Variants in ZBTB16 observed in about 807,000 individuals in gnomAD.
ZBTB16 encodes zinc finger and BTB domain-containing protein 16.
Under a neutral mutation model 56.8 loss-of-function variants are expected in ZBTB16, and 8 were observed. The observed-to-expected ratio is 0.14, with a 90% confidence interval of 0.08 to 0.25. The LOEUF is 0.25. Among genes scored for constraint, ZBTB16 ranks in the 10% least tolerant of loss-of-function variants. The pLI is 1.00. For missense variants in ZBTB16, 625 were observed against 903.0 expected (o/e 0.69, Z 3.95); for synonymous variants, 363 against 368.5 (o/e 0.98, Z 0.17).
At chr11:114,208,576 G>A (rs1943934744) in intron 4 of ZBTB16, among the ~76,000 whole-genome samples, 1 of 152,198 alleles carries the variant, frequency 6.6e-6, no homozygotes, top group South Asian at 2.1e-4. Context: ...GTGGTTTCCT[G>A]TCATGGGCTC....
At chr11:114,089,009 G>A (rs988776503) in intron 2 of ZBTB16, among the ~76,000 whole-genome samples, 5 of 152,238 alleles carry the variant, frequency 3.3e-5, no homozygotes, top group African/African-American at 1.2e-4. Context: ...AAGGCCTGGG[G>A]ACGAGGACTA....
intron 3 of ZBTB16, among the ~76,000 whole-genome samples, chr11:114,186,330 G>C (rs1943360387): frequency 6.6e-6 from 1 of 152,232 alleles, no homozygotes; most frequent in South Asian, 2.1e-4. Flanking sequence ...GGAGAAAAGA[G>C]AGCAAGAGTG....
chr11:114,138,442 T>G (rs1941855647), intron 2 of ZBTB16, among the ~76,000 whole-genome samples: 1 of 152,212 alleles, frequency 6.6e-6, no homozygotes, highest in African/African-American at 2.4e-5. Flanking sequence ...GCACTAAGTT[T>G]TGCATCTCCC....
intron 2 of ZBTB16, among the ~76,000 whole-genome samples, chr11:114,125,174 A>G (rs186971138): frequency 4.3e-4 from 65 of 152,336 alleles, no homozygotes; most frequent in African/African-American, 1.6e-3. Context: ...AGATATCTAT[A>G]AAGAATTAAC....
intron 4 of ZBTB16, among the ~76,000 whole-genome samples, chr11:114,232,866 A>C (rs1252624958): frequency 6.6e-6 from 1 of 151,930 alleles, no homozygotes; most frequent in Admixed American, 6.6e-5. Context: ...CTTACTGCTG[A>C]TTTATACGGG....
At chr11:114,070,555 C>T (rs1204229605) in intron 2 of ZBTB16, among the ~76,000 whole-genome samples, 1 of 152,220 alleles carries the variant, frequency 6.6e-6, no homozygotes, top group South Asian at 2.1e-4. Flanking sequence ...GGTCACACAG[C>T]TATAAATGGG....
At position 114,064,692 on chromosome 11, in the gene ZBTB16, A is replaced by G. The variant is rs540753493; in HGVS notation, c.1268+124A>G. ...TGTCTTGGCAATTTGTGAAAAAACC[A>G]GAACACTTCTTCTAAAGTTCTGGCG... On this transcript the variant is annotated intron_variant, in intron 2 of 6. Transcript: ENST00000335953. This position sits in a 1 kb window ranked among gnomAD's most constrained non-coding sequence, Gnocchi z 4.2. 1.4e-5 allele frequency: 18 copies of G among 1,277,682 alleles called. No homozygotes were observed. The East Asian group carries it at 3.3e-4, about 23-fold the overall frequency. 79.1% of individuals were successfully genotyped at this position (1,277,682 alleles called of 1,614,324 possible).
chr11:114,196,121 G>A (rs1228529537), intron 4 of ZBTB16, among the ~76,000 whole-genome samples: 2 of 152,180 alleles, frequency 1.3e-5, no homozygotes, highest in Admixed American at 1.3e-4. Flanking sequence ...CCCTGTTGGT[G>A]TCTAAACAGG....
At chr11:114,204,743 C>T (rs181425697) in intron 4 of ZBTB16, among the ~76,000 whole-genome samples, 60 of 152,248 alleles carry the variant, frequency 3.9e-4, no homozygotes, top group Non-Finnish European at 7.1e-4. Context: ...AAACTGGGCC[C>T]GCCAAGCAGT....
chr11:114,062,301 C>T (rs922914819), intron 1 of ZBTB16, among the ~76,000 whole-genome samples: 3 of 151,434 alleles, frequency 2.0e-5, no homozygotes, highest in African/African-American at 7.3e-5. Flanking sequence ...CGGGGCTTCT[C>T]CATGTTGGTC....
In ZBTB16 at chr11:114,250,603, G is replaced by T. The variant is rs1413293975; in HGVS notation, c.*48G>T. The T allele has an allele frequency of 1.3e-6, 2 of 1,572,450 alleles. No individual in the cohort carries two copies. Among genetic ancestry groups the T allele is most frequent in the African/African-American group, 2.7e-5 (2 of 74,082 alleles). On this transcript the variant is annotated 3_prime_UTR_variant, in exon 7 of 7. Coordinates refer to ENST00000335953, the MANE Select transcript of ZBTB16 (RefSeq NM_006006.6). This position sits in a 1 kb window ranked among gnomAD's most constrained non-coding sequence, Gnocchi z 6.0. Reference sequence around the variant, plus strand: ...CCGAGCGGGGAGCCAGGAAAGAAGAGTTGGAGTGAGATGAAGGAAGGACTA... The same window carrying T: ...CCGAGCGGGGAGCCAGGAAAGAAGATTTGGAGTGAGATGAAGGAAGGACTA...
Position 114,214,088 on chromosome 11 carries a change from C to T in ZBTB16, c.1453+27050C>T, listed in dbSNP as rs564814399. On this transcript the variant is annotated intron_variant, in intron 4 of 6. Transcript: ENST00000335953. Reference sequence around the variant, plus strand: ...CAAAAGGTCACTGTGTAATCAGATGCCAGCCTGGGTGGTGCGTGGAGAGGA... The same window carrying T: ...CAAAAGGTCACTGTGTAATCAGATGTCAGCCTGGGTGGTGCGTGGAGAGGA... 7.4e-4 allele frequency among the ~76,000 whole-genome samples: 112 copies of T among 152,208 alleles called. 1 individual carries two copies. Among genetic ancestry groups the T allele is most frequent in the African/African-American group, 2.6e-3 (106 of 41,522 alleles).
chr11:114,175,813 T>C (rs1300529392), intron 3 of ZBTB16, among the ~76,000 whole-genome samples: 1 of 151,936 alleles, frequency 6.6e-6, no homozygotes, highest in Non-Finnish European at 1.5e-5. Flanking sequence ...AGGTATGTCA[T>C]TTGGCAGGAG....
intron 2 of ZBTB16, among the ~76,000 whole-genome samples, chr11:114,145,902 T>C (rs1207673006): frequency 6.6e-6 from 1 of 152,238 alleles, no homozygotes; most frequent in Non-Finnish European, 1.5e-5. Context: ...TCTGCCTTAA[T>C]GTAACTTATA....
intron 3 of ZBTB16, among the ~76,000 whole-genome samples, chr11:114,183,798 C>T (rs992431031): frequency 3.9e-5 from 6 of 152,248 alleles, no homozygotes; most frequent in Admixed American, 2.0e-4. Context: ...CCACTCTGCT[C>T]TTGGAGGTGC....
intron 4 of ZBTB16, among the ~76,000 whole-genome samples, chr11:114,198,268 C>T (rs542680898): frequency 3.9e-5 from 6 of 152,364 alleles, no homozygotes; most frequent in Admixed American, 1.3e-4. Flanking sequence ...CGCGGAACGT[C>T]ATAGGCACTT....
rs1003165182 is a variant in ZBTB16 at position 114,253,068 on chromosome 11, C to T, written c.*2513C>T. On this transcript the variant is annotated 3_prime_UTR_variant, in exon 7 of 7. Transcript: ENST00000335953. ...GGGGGAGGGGCCGTCTGTAAGAAAT[C>T]ATTATGCACTATGGCTTCCTCCTCT... 6.6e-6 allele frequency among the ~76,000 whole-genome samples: 1 copy of T among 152,178 alleles called. No individual in the cohort carries two copies. The highest frequency in any genetic ancestry group is 2.4e-5 in the African/African-American group (1 of 41,432).
chr11:114,116,719 T>G (rs1379701573), intron 2 of ZBTB16, among the ~76,000 whole-genome samples: 1 of 152,154 alleles, frequency 6.6e-6, no homozygotes, highest in Non-Finnish European at 1.5e-5. Flanking sequence ...ATGGCTGTAA[T>G]GAAAGATAGA....
intron 2 of ZBTB16, among the ~76,000 whole-genome samples, chr11:114,072,229 A>G (rs990836607): frequency 1.3e-5 from 2 of 152,106 alleles, no homozygotes; most frequent in Non-Finnish European, 2.9e-5. Flanking sequence ...CGGGCACCTC[A>G]TGTTTGGGGC....
Sources: allele counts gnomAD v4.1 joint callset (sites outside exome capture counted in the v4.1 genomes callset), GRCh38; gene constraint gnomAD v4.1.1; non-coding constraint Gnocchi (gnomAD v3.1); transcripts MANE v1.5; gene names NCBI Gene and HGNC (gene_info 2026-07-23, HGNC 2026-07-21).